The following MACROD2 variants were observed in gnomAD, a reference collection of about 807,000 sequenced individuals.
MACROD2 encodes the protein ADP-ribose glycohydrolase MACROD2.
In MACROD2, 36 loss-of-function variants were observed where a neutral mutation model predicts 70.4. That is an observed-to-expected ratio of 0.51 (90% CI 0.39 to 0.68). The LOEUF (loss-of-function observed/expected upper bound fraction) is 0.68, where lower values mean the gene tolerates loss of function less well. Among genes scored for constraint, MACROD2 ranks in the 30% least tolerant of loss-of-function variants. The pLI, the probability that MACROD2 is intolerant of heterozygous loss-of-function variation, is 0.00. For missense variants in MACROD2, 496 were observed against 538.4 expected (o/e 0.92, Z 0.78); for synonymous variants, 172 against 178.8 (o/e 0.96, Z 0.30).
intron 4 of MACROD2, among the ~76,000 whole-genome samples, chr20:14,581,346 T>G (rs1251043682): frequency 6.6e-6 from 1 of 152,212 alleles, no homozygotes; most frequent in East Asian, 1.9e-4. Context: ...AACTTGAGCA[T>G]CTATATTTTG....
chr20:15,973,095 G>T (rs2066254981), intron 13 of MACROD2, among the ~76,000 whole-genome samples: 1 of 152,112 alleles, frequency 6.6e-6, no homozygotes, highest in African/African-American at 2.4e-5. Context: ...AGGAGATACT[G>T]CCGGGAGGGG....
chr20:15,228,935 C>T (rs2076935637), intron 5 of MACROD2, among the ~76,000 whole-genome samples: 1 of 152,182 alleles, frequency 6.6e-6, no homozygotes, highest in South Asian at 2.1e-4. Context: ...CAAATAATTT[C>T]GTTATAATAC....
At chr20:14,951,074 C>T (rs2074471765) in intron 5 of MACROD2, among the ~76,000 whole-genome samples, 1 of 152,112 alleles carries the variant, frequency 6.6e-6, no homozygotes, top group South Asian at 2.1e-4. Flanking sequence ...TCTCTTGCCT[C>T]AGTCAGTCAG....
At chr20:15,864,626 A>G (rs2064467419) in intron 9 of MACROD2, among the ~76,000 whole-genome samples, 1 of 152,144 alleles carries the variant, frequency 6.6e-6, no homozygotes, top group Admixed American at 6.5e-5. Flanking sequence ...TTTTTTTAAA[A>G]TGAGACAGTT....
At chr20:15,311,800 G>T (rs1653719837) in intron 6 of MACROD2, among the ~76,000 whole-genome samples, 2 of 152,056 alleles carry the variant, frequency 1.3e-5, no homozygotes, top group Admixed American at 1.3e-4. Context: ...AGGGAAAGGG[G>T]GACAGGAGTT....
At chr20:14,306,659 CTA>C (rs983735123) in intron 3 of MACROD2, among the ~76,000 whole-genome samples, 1 of 152,034 alleles carries the variant, frequency 6.6e-6, no homozygotes, top group Non-Finnish European at 1.5e-5. Context: ...GCTAAAATTC[CTA>C]TCTTCTAGGG....
At chr20:15,166,780 C>G (rs1182561197) in intron 5 of MACROD2, among the ~76,000 whole-genome samples, 2 of 151,174 alleles carry the variant, frequency 1.3e-5, no homozygotes, top group Non-Finnish European at 2.9e-5. Flanking sequence ...AAAAGCCATT[C>G]AAGATTATGA....
At chr20:15,547,688 C>A (rs1259947974) in intron 8 of MACROD2, among the ~76,000 whole-genome samples, 1 of 152,210 alleles carries the variant, frequency 6.6e-6, no homozygotes, top group Non-Finnish European at 1.5e-5. Context: ...TCGTTCTCCT[C>A]TGCCAAATTT....
intron 3 of MACROD2, among the ~76,000 whole-genome samples, chr20:14,210,386 T>C (rs536692635): frequency 7.2e-5 from 11 of 152,196 alleles, no homozygotes; most frequent in African/African-American, 2.4e-4. Flanking sequence ...TGAGAGACAG[T>C]TGGAGGCTGG....
intron 12 of MACROD2, among the ~76,000 whole-genome samples, chr20:15,943,831 A>C (rs1193776766): frequency 6.6e-6 from 1 of 152,124 alleles, no homozygotes; most frequent in Non-Finnish European, 1.5e-5. Context: ...GCTTATAAGA[A>C]TAATATATCT....
At chr20:14,177,217 T>C (rs1435225496) in intron 3 of MACROD2, among the ~76,000 whole-genome samples, 1 of 151,846 alleles carries the variant, frequency 6.6e-6, no homozygotes, top group Non-Finnish European at 1.5e-5. Flanking sequence ...GTAACAAAAG[T>C]TAGGAAAAGG....
intron 6 of MACROD2, among the ~76,000 whole-genome samples, chr20:15,237,118 A>C (rs2077020368): frequency 6.6e-6 from 1 of 152,222 alleles, no homozygotes; most frequent in African/African-American, 2.4e-5. Context: ...ACAATGTTTT[A>C]ACGTTTTGCC....
intron 8 of MACROD2, among the ~76,000 whole-genome samples, chr20:15,862,013 C>T (rs969819523): frequency 6.6e-6 from 1 of 151,966 alleles, no homozygotes; most frequent in Admixed American, 6.5e-5. Flanking sequence ...ATGTATACTC[C>T]GTGTCTCTTC....
chr20:14,154,552 A>ATTTTTTTT (rs869299523), intron 3 of MACROD2, among the ~76,000 whole-genome samples: 1 of 106,652 alleles, frequency 9.4e-6, no homozygotes, highest in Admixed American at 1.0e-4. Context: ...CGCCCGGCTA[A>ATTTTTTTT]TTTTTTTTTT....
intron 8 of MACROD2, among the ~76,000 whole-genome samples, chr20:15,699,663 C>G (rs2050427819): frequency 6.6e-6 from 1 of 152,150 alleles, no homozygotes; most frequent in Admixed American, 6.5e-5. Flanking sequence ...AAAACTTGCC[C>G]AAGGCCATCC....
intron 6 of MACROD2, among the ~76,000 whole-genome samples, chr20:15,345,439 C>T (rs2078155579): frequency 6.6e-6 from 1 of 152,140 alleles, no homozygotes; most frequent in Non-Finnish European, 1.5e-5. Context: ...AGGGATAGGA[C>T]CAGCATAATG....
chr20:14,153,579 C>T (rs1374295965), intron 3 of MACROD2, among the ~76,000 whole-genome samples: 1 of 152,062 alleles, frequency 6.6e-6, no homozygotes, highest in Non-Finnish European at 1.5e-5. Flanking sequence ...TTATTTTGAT[C>T]CTCAAAGGAA....
At chr20:15,535,344 G>C (rs377583483) in intron 8 of MACROD2, among the ~76,000 whole-genome samples, 1 of 152,074 alleles carries the variant, frequency 6.6e-6, no homozygotes, top group African/African-American at 2.4e-5. Context: ...TCCCACAGCA[G>C]TGGTTCTCAC....
chr20:15,550,429 T>A (rs538431453), intron 8 of MACROD2, among the ~76,000 whole-genome samples: 1 of 152,188 alleles, frequency 6.6e-6, no homozygotes, highest in East Asian at 1.9e-4. Context: ...TAGATGATAT[T>A]ATTCCTTTCC....
Sources: allele counts gnomAD v4.1 joint callset (sites outside exome capture counted in the v4.1 genomes callset), GRCh38; gene constraint gnomAD v4.1.1; transcripts MANE v1.5; gene names NCBI Gene and HGNC (gene_info 2026-07-23, HGNC 2026-07-21).